Variants in EGLN3 observed in about 807,000 individuals in gnomAD.
EGLN3 encodes prolyl hydroxylase EGLN3.
EGLN3 carries 15 observed loss-of-function variants against 26.0 expected under a neutral mutation model. The ratio of observed to expected loss-of-function variants is 0.58; its 90% CI spans 0.39 to 0.89. EGLN3 has a LOEUF of 0.89. Among genes scored for constraint, EGLN3 ranks in the 40% least tolerant of loss-of-function variants. EGLN3 has a pLI of 0.00. For missense variants in EGLN3, 238 were observed against 311.6 expected (o/e 0.76, Z 1.78); for synonymous variants, 147 against 127.2 (o/e 1.16, Z -1.05).
chr14:33,937,067 A>G (rs1052563699), intron 1 of EGLN3, among the ~76,000 whole-genome samples: 7 of 152,194 alleles, frequency 4.6e-5, no homozygotes, highest in Non-Finnish European at 8.8e-5. Context: ...CTACAGAACA[A>G]TGTTCACAGG....
At chr14:33,948,793 C>G (rs1028142372) in intron 1 of EGLN3, 2 of 152,150 alleles carry the variant, frequency 1.3e-5, no homozygotes, top group African/African-American at 4.8e-5. Flanking sequence ...AGAAAAACTC[C>G]TAACACCTAA....
chr14:33,938,392 A>G (rs2064457051), intron 1 of EGLN3, among the ~76,000 whole-genome samples: 1 of 152,222 alleles, frequency 6.6e-6, no homozygotes. Context: ...GCCCGGCAAC[A>G]TCGCCATATT....
rs398118043 is a variant in EGLN3 at position 33,924,552 on chromosome 14, T to TAC, written c.*1338_*1339insGT. ...TCTTGGAAGACTATATATATATATA[T>TAC]CCGTACATAACAAAGGAAAATATTT... On this transcript the variant is annotated 3_prime_UTR_variant, in exon 5 of 5. Coordinates refer to ENST00000250457, the MANE Select transcript of EGLN3 (RefSeq NM_022073.4). 6.6e-6 allele frequency: 1 copy of TAC among 151,994 alleles called. No homozygotes were observed. The highest frequency in any genetic ancestry group is 1.5e-5 in the Non-Finnish European group (1 of 67,998). 9.4% of individuals were successfully genotyped at this position (151,994 alleles called of 1,614,324 possible). A position where few individuals can be genotyped will look rare whatever the true frequency, so the allele number is the denominator to read the frequency against.
chr14:33,944,363 G>A (rs1034016654), intron 1 of EGLN3, among the ~76,000 whole-genome samples: 11 of 152,052 alleles, frequency 7.2e-5, no homozygotes, highest in African/African-American at 2.7e-4. Context: ...CTTGTGATCT[G>A]CCCGCCTCGG....
intron 1 of EGLN3, chr14:33,949,260 A>C (rs1237523709): frequency 6.6e-6 from 1 of 152,248 alleles, no homozygotes; most frequent in Non-Finnish European, 1.5e-5. Context: ...GCCTTTATTC[A>C]GAGTGTTCCT....
At position 33,932,654 on chromosome 14, in the gene EGLN3, C is replaced by A. The variant is rs145450381; in HGVS notation, c.358-1439G>T. Among the ~76,000 whole-genome samples, 3 of 152,258 alleles carry A rather than the reference C, an allele frequency of 2.0e-5. No individual in the cohort carries two copies. The East Asian group carries it at 5.8e-4, about 29-fold the overall frequency. On this transcript the variant is annotated intron_variant, in intron 1 of 4. Transcript: ENST00000250457. ...TTCATATCCTCATGCAGCAAACAAT[C>A]CCCATATCCTGCCTTTGAACATCAA...
intron 1 of EGLN3, among the ~76,000 whole-genome samples, chr14:33,935,390 C>T (rs915336562): frequency 6.6e-6 from 1 of 152,082 alleles, no homozygotes; most frequent in Non-Finnish European, 1.5e-5. Flanking sequence ...TTGCGAGTAA[C>T]AAATGATTGA....
At chr14:33,939,816 C>T (rs1284774795) in intron 1 of EGLN3, among the ~76,000 whole-genome samples, 1 of 152,106 alleles carries the variant, frequency 6.6e-6, no homozygotes, top group Non-Finnish European at 1.5e-5. Context: ...CCTTTTTGAA[C>T]CCAGTTGGTC....
rs1456560754 is a variant in EGLN3 at position 33,950,622 on chromosome 14, A to G, written c.131T>C (p.Leu44Pro). The change falls in exon 1 of 5, where the codon CTG becomes CCG. Residue 44 changes from leucine (L) to proline (P), a missense_variant. Physicochemically the swap from Leu to Pro is moderately conservative, Grantham distance 98. Coordinates refer to ENST00000250457, the MANE Select transcript of EGLN3 (RefSeq NM_022073.4). ...FLGEVVGDCV[L>P]ERVKQLHCTG... ...GCAGTGCAGCTGCTTGACGCGCTCC[A>G]GGACGCAGTCGCCCACCACCTCGCC... The G allele has an allele frequency of 1.9e-6, 3 of 1,613,714 alleles. No individual in the cohort carries two copies. The highest frequency in any genetic ancestry group is 2.5e-6 in the Non-Finnish European group (3 of 1,179,956).
At chr14:33,926,336 T>C (rs1015406465) in intron 4 of EGLN3, among the ~76,000 whole-genome samples, 4 of 152,210 alleles carry the variant, frequency 2.6e-5, no homozygotes, top group African/African-American at 9.6e-5. Flanking sequence ...TATGTTTCCT[T>C]ACTGCAGGAT....
At chr14:33,948,618 C>T (rs920869837) in intron 1 of EGLN3, 4 of 152,212 alleles carry the variant, frequency 2.6e-5, no homozygotes, top group African/African-American at 7.2e-5. Context: ...CCCTAACTTA[C>T]ACAGTGTTTT....
chr14:33,926,862 G>GA, intron 4 of EGLN3, 98 bp downstream of exon 4: 1 of 837,704 alleles, frequency 1.2e-6, no homozygotes. Flanking sequence ...AAGCTAAGCC[G>GA]TAACAGATTG....
At chr14:33,944,968 T>C (rs961512658) in intron 1 of EGLN3, among the ~76,000 whole-genome samples, 15 of 152,204 alleles carry the variant, frequency 9.9e-5, no homozygotes. Flanking sequence ...GCCTTTTTTG[T>C]TTCCAAATGT....
In EGLN3 at chr14:33,929,192, C is replaced by G; in HGVS notation, c.498G>C (p.Arg166=). Residue 166 remains arginine, a synonymous_variant, in exon 3 of 5, where the codon CGG becomes CGC. Transcript: ENST00000250457. ...WDAKLHGGIL[R]IFPEGKSFIA... ...TGAATGATTTCCCCTCTGGAAATAT[C>G]CGCAGGATCCCACCATGTAGCTGAA... 6.2e-7 allele frequency: 1 copy of G among 1,614,176 alleles called. No individual in the cohort carries two copies. The highest frequency in any genetic ancestry group is 1.7e-5 in the Admixed American group (1 of 60,030).
intron 1 of EGLN3, among the ~76,000 whole-genome samples, chr14:33,935,605 AC>A (rs2064435861): frequency 7.3e-6 from 1 of 137,492 alleles, no homozygotes; most frequent in African/African-American, 2.5e-5. Context: ...ACACACACAC[AC>A]ACACACACAC....
intron 3 of EGLN3, among the ~76,000 whole-genome samples, chr14:33,927,429 G>T (rs1192785080): frequency 6.6e-6 from 1 of 152,086 alleles, no homozygotes; most frequent in Admixed American, 6.6e-5. Flanking sequence ...AAAGTGCTGG[G>T]ATTGCAGGTG....
intron 1 of EGLN3, among the ~76,000 whole-genome samples, chr14:33,945,058 T>C (rs568774218): frequency 1.3e-5 from 2 of 152,356 alleles, no homozygotes; most frequent in African/African-American, 4.8e-5. Flanking sequence ...GACTGTATTC[T>C]GTAAATTATT....
intron 3 of EGLN3, 119 bp from the exon 4 acceptor site, chr14:33,927,152 G>GATTGATTGATTT (rs145933066): frequency 2.2e-5 from 4 of 182,784 alleles, no homozygotes; most frequent in African/African-American, 4.9e-5. Flanking sequence ...AGTCTACCCT[G>GATTGATTGATTT]ATTTATTTAT....
chr14:33,940,801 G>C (rs1018385852), intron 1 of EGLN3, among the ~76,000 whole-genome samples: 1 of 152,202 alleles, frequency 6.6e-6, no homozygotes. Flanking sequence ...GTAATGAGGA[G>C]AATTACTCTG....
Sources: gnomAD v4.1 joint callset for allele counts (sites outside exome capture counted in the v4.1 genomes callset) on GRCh38, gnomAD v4.1.1 for gene constraint, MANE v1.5 for transcripts, NCBI Gene and HGNC (gene_info 2026-07-23, HGNC 2026-07-21) for gene names.